The following NUDT14 variants were observed in gnomAD, a reference collection of about 807,000 sequenced individuals.
NUDT14 encodes nudix hydrolase 14.
In NUDT14, 22 loss-of-function variants were observed where a neutral mutation model predicts 17.5. The ratio of observed to expected loss-of-function variants is 1.26; its 90% CI spans 0.90 to 1.80. NUDT14 has a LOEUF of 1.80. Among genes scored for constraint, NUDT14 ranks in the 40% most tolerant of loss-of-function variants. The pLI is 0.00. For synonymous variants in NUDT14, 129 were observed against 125.8 expected (o/e 1.03, Z -0.17); for missense variants, 296 against 295.6 (o/e 1.00, Z -0.01).
At chr14:105,174,238 T>C (rs1381832929) in intron 4 of NUDT14, among the ~76,000 whole-genome samples, 5 of 151,244 alleles carry the variant, frequency 3.3e-5, no homozygotes, top group African/African-American at 4.9e-5. Context: ...TGGACTGGCG[T>C]GTGTGGAGGG....
At position 105,181,054 on chromosome 14, in the gene NUDT14, A is replaced by C. The variant is rs587672136; in HGVS notation, c.81+75T>G. ...CTCCGGGGCGGGGCCGGCAGCGCGG[A>C]AGATGGTGGGCGGGGCGCGGGTCGT... On this transcript the variant is annotated intron_variant, in intron 1 of 4. Transcript: ENST00000392568. The surrounding 1 kb of genome is among the most constrained non-coding windows in gnomAD (Gnocchi z 5.0). The C allele has an allele frequency of 3.6e-4, 144 of 401,054 alleles. 1 individual carries two copies. Among genetic ancestry groups the C allele is most frequent in the African/African-American group, 3.0e-3 (137 of 45,260 alleles). 24.8% of individuals were successfully genotyped at this position (401,054 alleles called of 1,614,324 possible).
Position 105,181,225 on chromosome 14 carries a change from GGCGGGGGCCGCGA to G in NUDT14, c.-29_-17del. ...TGCGCTCCATGGCGGCGCCCGGACA[GGCGGGGGCCGCGA>G]GCTCTGCGGGGGCCGACACGGGGCG... On this transcript the variant is annotated 5_prime_UTR_variant, in exon 1 of 5. Transcript: ENST00000392568. This position sits in a 1 kb window ranked among gnomAD's most constrained non-coding sequence, Gnocchi z 5.0. The G allele has an allele frequency of 9.6e-7, 1 of 1,039,746 alleles. No homozygotes were observed. The highest frequency in any genetic ancestry group is 1.2e-6 in the Non-Finnish European group (1 of 847,470). 64.4% of individuals were successfully genotyped at this position (1,039,746 alleles called of 1,614,324 possible).
intron 1 of NUDT14, among the ~76,000 whole-genome samples, chr14:105,179,010 C>G (rs1566778593): frequency 6.6e-6 from 1 of 152,176 alleles, no homozygotes; most frequent in Non-Finnish European, 1.5e-5. Flanking sequence ...GAACCACCAC[C>G]CAGCCAGGGC....
chr14:105,173,182 C>A lies in NUDT14; in HGVS notation c.508G>T (p.Gly170Trp). The change falls in exon 5 of 5, where the codon GGG (glycine) becomes TGG (tryptophan). Residue 170 changes from glycine to tryptophan, a missense_variant. Gly to Trp is a radical substitution (Grantham distance 184). Coordinates refer to ENST00000392568, the MANE Select transcript of NUDT14 (RefSeq NM_177533.5). This position sits in a 1 kb window ranked among gnomAD's most constrained non-coding sequence, Gnocchi z 4.7. ...AGCTCACCCTCCTCCACCAGGCCCC[C>A]ACCTGGACCGCTACGCTGGGCATCT... ...VTDAQRSGPG[G>W]GLVEEGELIE... 1 of 1,611,046 alleles carries A rather than the reference C, an allele frequency of 6.2e-7. No individual in the cohort carries two copies. Among genetic ancestry groups the A allele is most frequent in the Non-Finnish European group, 8.5e-7 (1 of 1,179,228 alleles).
chr14:105,179,982 G>C (rs886898799), intron 1 of NUDT14, among the ~76,000 whole-genome samples: 8 of 152,228 alleles, frequency 5.3e-5, no homozygotes, highest in African/African-American at 1.9e-4. Context: ...TGATAGGCTG[G>C]GGGGCTGGAC....
At chr14:105,176,823 A>G in intron 3 of NUDT14, 52 bp from the exon 4 acceptor site, 1 of 1,580,650 alleles carries the variant, frequency 6.3e-7, no homozygotes, top group South Asian at 1.1e-5. Context: ...GGCCACCTCC[A>G]GGTCACCCAC....
At chr14:105,179,714 C>T (rs1182078890) in intron 1 of NUDT14, among the ~76,000 whole-genome samples, 1 of 152,200 alleles carries the variant, frequency 6.6e-6, no homozygotes, top group African/African-American at 2.4e-5. Flanking sequence ...TGCTGTACCC[C>T]GACTGATCCC....
At chr14:105,180,471 C>CAA (rs899172481) in intron 1 of NUDT14, among the ~76,000 whole-genome samples, 2 of 152,118 alleles carry the variant, frequency 1.3e-5, no homozygotes, top group Non-Finnish European at 2.9e-5. Context: ...GTCTCAAAAA[C>CAA]AAAACAAAAC....
intron 4 of NUDT14, among the ~76,000 whole-genome samples, chr14:105,174,633 C>T (rs1478471965): frequency 6.6e-6 from 1 of 152,122 alleles, no homozygotes; most frequent in Non-Finnish European, 1.5e-5. Context: ...CCATTTCCGG[C>T]GGCGGCCGCG....
intron 2 of NUDT14, 78 bp from the exon 3 acceptor site, chr14:105,177,105 C>A (rs587618148): frequency 8.0e-6 from 11 of 1,378,188 alleles, no homozygotes; most frequent in African/African-American, 2.9e-5. Flanking sequence ...CTTTCTGTTC[C>A]CAGCGTGGCC....
intron 1 of NUDT14, among the ~76,000 whole-genome samples, chr14:105,180,594 A>C (rs2141305330): frequency 6.6e-6 from 1 of 152,182 alleles, no homozygotes; most frequent in East Asian, 1.9e-4. Flanking sequence ...GGGAAGGCTG[A>C]GCTTAGGCAG....
chr14:105,173,279 G>T lies in NUDT14; in HGVS notation c.429-18C>A, dbSNP rs1412468160. ...CTCCAGACCTACGGGTTGAGACAGG[G>T]TCTGCTGAGTCACCCACGCTGGCCC... On this transcript the variant is annotated intron_variant, in intron 4 of 4. Coordinates refer to ENST00000392568, the MANE Select transcript of NUDT14 (RefSeq NM_177533.5). This position sits in a 1 kb window ranked among gnomAD's most constrained non-coding sequence, Gnocchi z 4.7. 1 of 1,495,290 alleles carries T rather than the reference G, an allele frequency of 6.7e-7. No individual in the cohort carries two copies. Among genetic ancestry groups the T allele is most frequent in the Middle Eastern group, 1.8e-4 (1 of 5,632 alleles). 92.6% of individuals were successfully genotyped at this position (1,495,290 alleles called of 1,614,324 possible).
At chr14:105,174,255 C>T (rs910918041) in intron 4 of NUDT14, among the ~76,000 whole-genome samples, 33 of 151,978 alleles carry the variant, frequency 2.2e-4, no homozygotes, top group African/African-American at 7.2e-4. Context: ...AGGGAGACCA[C>T]GGGCTAGGAG....
intron 1 of NUDT14, among the ~76,000 whole-genome samples, chr14:105,179,669 G>A (rs1023160720): frequency 9.2e-5 from 14 of 152,210 alleles, no homozygotes; most frequent in Non-Finnish European, 1.5e-4. Flanking sequence ...TATGGCCAAC[G>A]TCAGGGAAAA....
At position 105,178,855 on chromosome 14, in the gene NUDT14, G is replaced by A. The variant is rs368413662; in HGVS notation, c.82-1120C>T. Among the ~76,000 whole-genome samples the A allele has an allele frequency of 2.5e-4, 38 of 152,330 alleles. No homozygotes were observed. The East Asian group carries it at 5.2e-3, about 21-fold the overall frequency. ...GCGCAGAGGCCCTCTGAGCTTGGCC[G>A]GGAGGCAAAGGCGTCCTGGGAGGAG... is the stretch of plus-strand genomic sequence containing the variant. On this transcript the variant is annotated intron_variant, in intron 1 of 4. Coordinates refer to ENST00000392568, the MANE Select transcript of NUDT14 (RefSeq NM_177533.5).
In NUDT14 at chr14:105,175,720, T is replaced by C. The variant is rs1889199138; in HGVS notation, c.428+814A>G. 20 of 1,000,746 alleles carry C rather than the reference T, an allele frequency of 2.0e-5. No individual in the cohort carries two copies. The South Asian group carries it at 7.5e-4, about 37-fold the overall frequency. The allele number at this position is 1,000,746 out of a possible 1,614,324, so 62.0% of individuals were successfully genotyped here. On this transcript the variant is annotated intron_variant, in intron 4 of 4. Transcript: ENST00000392568. ...TGGCCCAGCGTGGAAATGCTGCCTT[T>C]AACTTGGGAGTCCACCCATCCAGCC...
chr14:105,176,761 C>T lies in NUDT14; in HGVS notation c.201G>A (p.Ala67=), dbSNP rs774451913. Residue 67 remains alanine, a synonymous_variant, in exon 4 of 5, where the codon GCG becomes GCA. Transcript: ENST00000392568. ...CTGGGAAGCGGCGCTCCACCTCACC[C>T]GCATACACAGCTGCGTGGGAAGAAG... ...LVKQFRPAVY[A]GEVERRFPGS... The T allele has an allele frequency of 3.3e-5, 53 of 1,612,188 alleles. 1 individual carries two copies. Among genetic ancestry groups the T allele is most frequent in the South Asian group, 3.0e-4 (27 of 91,060 alleles).
At position 105,181,262 on chromosome 14, in the gene NUDT14, CG is replaced by C; in HGVS notation, c.-54del. 1.4e-6 allele frequency: 1 copy of C among 695,848 alleles called. No individual in the cohort carries two copies. The highest frequency in any genetic ancestry group is 1.8e-6 in the Non-Finnish European group (1 of 543,928). The allele number at this position is 695,848 out of a possible 1,614,324, so 43.1% of individuals were successfully genotyped here. A position where few individuals can be genotyped will look rare whatever the true frequency, so the allele number is the denominator to read the frequency against. ...GAGCTCTGCGGGGGCCGACACGGGG[CG>C]GCGCCCTGTCCCGACAGGAGCCTTC... On this transcript the variant is annotated 5_prime_UTR_variant, in exon 1 of 5. Transcript: ENST00000392568. The surrounding 1 kb of genome is among the most constrained non-coding windows in gnomAD (Gnocchi z 5.0).
Position 105,181,253 on chromosome 14 carries a change from G to T in NUDT14, c.-44C>A. 1.3e-6 allele frequency: 1 copy of T among 752,142 alleles called. No individual in the cohort carries two copies. The highest frequency in any genetic ancestry group is 1.7e-6 in the Non-Finnish European group (1 of 591,656). 46.6% of individuals were successfully genotyped at this position (752,142 alleles called of 1,614,324 possible). A position where few individuals can be genotyped will look rare whatever the true frequency, so the allele number is the denominator to read the frequency against. On this transcript the variant is annotated 5_prime_UTR_variant, in exon 1 of 5. Transcript: ENST00000392568. This position sits in a 1 kb window ranked among gnomAD's most constrained non-coding sequence, Gnocchi z 5.0. ...GGGGGCCGCGAGCTCTGCGGGGGCC[G>T]ACACGGGGCGGCGCCCTGTCCCGAC... is the stretch of plus-strand genomic sequence containing the variant.
Sources: gnomAD v4.1 joint callset for allele counts (sites outside exome capture counted in the v4.1 genomes callset) on GRCh38, gnomAD v4.1.1 for gene constraint, Gnocchi (gnomAD v3.1) non-coding constraint, MANE v1.5 for transcripts, NCBI Gene and HGNC (gene_info 2026-07-23, HGNC 2026-07-21) for gene names.